FOXP2: variants seen among roughly 807,000 people sequenced by gnomAD.
The protein encoded by FOXP2 is forkhead box P2, also known as forkhead box protein P2.
FOXP2 carries 12 observed loss-of-function variants against 115.8 expected under a neutral mutation model. That is an observed-to-expected ratio of 0.10 (90% CI 0.07 to 0.17). FOXP2 has a LOEUF of 0.17. Ranked by LOEUF, FOXP2 falls within the 10% of genes least tolerant of loss-of-function variation. FOXP2 has a pLI of 1.00. For synonymous variants in FOXP2, 328 were observed against 297.7 expected (o/e 1.10, Z -1.05); for missense variants, 629 against 843.5 (o/e 0.75, Z 3.15).
intron 1 of FOXP2, among the ~76,000 whole-genome samples, chr7:114,227,271 A>G (rs1016075894): frequency 6.6e-6 from 1 of 152,012 alleles, no homozygotes; most frequent in Non-Finnish European, 1.5e-5. Context: ...GCCTGACTTT[A>G]GGGTTGTAGT....
chr7:114,498,895 T>C (rs1797441386), intron 2 of FOXP2: 1 of 718,072 alleles, frequency 1.4e-6, no homozygotes, highest in Non-Finnish European at 2.6e-6. Context: ...GGATGTTGTC[T>C]CTTACACCCA....
intron 1 of FOXP2, among the ~76,000 whole-genome samples, chr7:114,176,532 G>T (rs1190172624): frequency 3.3e-5 from 5 of 151,702 alleles, no homozygotes; most frequent in African/African-American, 1.2e-4. Context: ...GTAGAGTCGG[G>T]ATTTCACCAT....
In FOXP2 at chr7:114,288,070, G is replaced by A. The variant is rs150436034; in HGVS notation, c.-50G>A. The A allele has an allele frequency of 1.4e-3, 640 of 453,390 alleles. 2 individuals carry two copies. The highest frequency in any genetic ancestry group is 1.9e-3 in the Non-Finnish European group (441 of 226,340). The allele number at this position is 453,390 out of a possible 1,614,324, so 28.1% of individuals were successfully genotyped here. A position where few individuals can be genotyped will look rare whatever the true frequency, so the allele number is the denominator to read the frequency against. ...GAATTTTCCTAGGACTCCGTTTCAA[G>A]GTTAATTCGAAAGTCTTGTGGAAGA... On this transcript the variant is annotated 5_prime_UTR_variant, in exon 2 of 18. Coordinates refer to the FOXP2 transcript ENST00000634411.
intron 16 of FOXP2, among the ~76,000 whole-genome samples, chr7:114,688,555 A>G (rs1319414712): frequency 6.6e-6 from 1 of 152,174 alleles, no homozygotes; most frequent in Non-Finnish European, 1.5e-5. Context: ...TCCCTGATGC[A>G]TCTAATGTGT....
At chr7:114,091,469 T>A (rs555469311) in intron 1 of FOXP2, among the ~76,000 whole-genome samples, 1 of 152,030 alleles carries the variant, frequency 6.6e-6, no homozygotes, top group South Asian at 2.1e-4. Context: ...TGATATTAAG[T>A]ATTGGCCTAA....
chr7:114,495,806 C>T (rs1473442431), intron 2 of FOXP2, among the ~76,000 whole-genome samples: 1 of 152,034 alleles, frequency 6.6e-6, no homozygotes, highest in African/African-American at 2.4e-5. Flanking sequence ...CATGCCCGGC[C>T]ACATTTTTAT....
rs149500733 is a variant in FOXP2, at chr7:114,625,668, G to T, written c.259-2872G>T. On this transcript the variant is annotated intron_variant, in intron 3 of 16. Transcript: ENST00000350908. ...GAAGAGGAAATGTGTCGCTTAAAAT[G>T]AGTCACTTAAAAATGAAGGCTATGC... Among the ~76,000 whole-genome samples, 14 of 151,882 alleles carry T rather than the reference G, an allele frequency of 9.2e-5. No homozygotes were observed. The East Asian group carries it at 2.7e-3, about 29-fold the overall frequency.
intron 1 of FOXP2, among the ~76,000 whole-genome samples, chr7:114,231,814 T>G (rs887268252): frequency 1.1e-4 from 16 of 152,194 alleles, no homozygotes; most frequent in African/African-American, 2.9e-4. Flanking sequence ...TTGGCAATTA[T>G]TTTTTGGATA....
Position 114,338,446 on chromosome 7 carries a change from C to T in FOXP2, c.-11+50337C>T, listed in dbSNP as rs115492963. On this transcript the variant is annotated intron_variant, in intron 2 of 17. Coordinates refer to the FOXP2 transcript ENST00000634411. ...AGTATTAACTAAAAGCATTTTATTA[C>T]TAATAGTAAATATTAAAATTATCAT... 6.5e-3 allele frequency among the ~76,000 whole-genome samples: 972 copies of T among 150,588 alleles called. 8 individuals are homozygous for T. Among genetic ancestry groups the T allele is most frequent in the African/African-American group, 0.023 (939 of 41,320 alleles).
In FOXP2 at chr7:114,519,459, A is replaced by C. The variant is rs1798506249; in HGVS notation, c.169-15158A>C. Among the ~76,000 whole-genome samples, 3 of 152,124 alleles carry C rather than the reference A, an allele frequency of 2.0e-5. No homozygotes were observed. The South Asian group carries it at 6.2e-4, about 31-fold the overall frequency. ...ATTCTGGCAGTAAGCATCCTCCTAT[A>C]ACAACAGACAAGTGATAGCAGTAGA... On this transcript the variant is annotated intron_variant, in intron 2 of 16. Coordinates refer to ENST00000350908, the MANE Select transcript of FOXP2 (RefSeq NM_014491.4).
At chr7:114,418,677 A>T (rs1450368900) in intron 1 of FOXP2, among the ~76,000 whole-genome samples, 1 of 82,736 alleles carries the variant, frequency 1.2e-5, no homozygotes, top group Non-Finnish European at 3.9e-5. Context: ...CTGTGGGTTC[A>T]AAAAAAAAAG....
Position 114,563,096 on chromosome 7 carries a change from T to C in FOXP2, c.258+28390T>C, listed in dbSNP as rs529503635. On this transcript the variant is annotated intron_variant, in intron 3 of 16. Transcript: ENST00000350908. ...TAAAACCATCAGATCTCTTGAGACTTATTCACTGTCATGAGAACAGTATGG... is the reference window on the plus strand; with the variant it reads ...TAAAACCATCAGATCTCTTGAGACTCATTCACTGTCATGAGAACAGTATGG... 4.6e-5 allele frequency among the ~76,000 whole-genome samples: 7 copies of C among 152,296 alleles called. No homozygotes were observed. In the South Asian group the frequency reaches 1.2e-3, roughly 27 times the overall value.
At chr7:114,382,934 G>A (rs558996194) in intron 2 of FOXP2, among the ~76,000 whole-genome samples, 1 of 152,090 alleles carries the variant, frequency 6.6e-6, no homozygotes, top group Non-Finnish European at 1.5e-5. Context: ...CTTCTAGCAC[G>A]CAAGTTAGCA....
intron 15 of FOXP2, 43 bp downstream of exon 15, chr7:114,663,562 C>CTTTTTTTTTTTTTTTTGTTT: frequency 9.6e-7 from 1 of 1,042,978 alleles, no homozygotes; most frequent in Non-Finnish European, 1.4e-6. Flanking sequence ...ATGTTTAGGG[C>CTTTTTTTTTTTTTTTTGTTT]TTTTTTTTTT....
chr7:114,259,773 A>G lies in FOXP2; in HGVS notation c.-101-28246A>G, dbSNP rs113213101. On this transcript the variant is annotated intron_variant, in intron 1 of 17. Transcript: ENST00000634411. ...TTTTCCTGATAATAATCTTGAGGCA[A>G]TAAATTCTAAATTATCACTCATAAG... Among the ~76,000 whole-genome samples the G allele has an allele frequency of 9.3e-3, 1,420 of 152,320 alleles. 31 individuals carry two copies. Among genetic ancestry groups the G allele is most frequent in the African/African-American group, 0.033 (1,354 of 41,578 alleles).
chr7:114,353,127 G>T (rs1791533688), intron 2 of FOXP2, among the ~76,000 whole-genome samples: 3 of 151,998 alleles, frequency 2.0e-5, no homozygotes, highest in Admixed American at 2.0e-4. Flanking sequence ...CAAAAAAACT[G>T]CAAACTTTTT....
intron 1 of FOXP2, among the ~76,000 whole-genome samples, chr7:114,153,441 C>T (rs1201472175): frequency 2.0e-5 from 3 of 152,108 alleles, no homozygotes; most frequent in Admixed American, 6.6e-5. Context: ...ATGCTTATGA[C>T]GTAGAAAGTA....
intron 3 of FOXP2, among the ~76,000 whole-genome samples, chr7:114,566,725 G>A (rs1479250218): frequency 2.0e-5 from 3 of 151,944 alleles, no homozygotes; most frequent in Non-Finnish European, 4.4e-5. Flanking sequence ...ATTCCATTCA[G>A]ATATTATTTT....
intron 2 of FOXP2, among the ~76,000 whole-genome samples, chr7:114,484,291 A>G (rs1213898338): frequency 6.6e-6 from 1 of 151,836 alleles, no homozygotes; most frequent in Admixed American, 6.6e-5. Flanking sequence ...GTGTATGTGT[A>G]TTTTGACTTC....
Sources: allele counts gnomAD v4.1 joint callset (sites outside exome capture counted in the v4.1 genomes callset), GRCh38; gene constraint gnomAD v4.1.1; transcripts MANE v1.5; gene names NCBI Gene and HGNC (gene_info 2026-07-23, HGNC 2026-07-21).